CCDC125: variants seen among roughly 807,000 people sequenced by gnomAD.
The protein encoded by CCDC125 is coiled-coil domain-containing protein 125.
In CCDC125, 43 loss-of-function variants were observed where a neutral mutation model predicts 57.4. That is an observed-to-expected ratio of 0.75 (90% CI 0.59 to 0.97). The LOEUF is 0.97. Among genes scored for constraint, CCDC125 ranks in the 50% least tolerant of loss-of-function variants. The pLI is 0.00. For synonymous variants in CCDC125, 187 were observed against 195.2 expected (o/e 0.96, Z 0.35); for missense variants, 563 against 595.7 (o/e 0.95, Z 0.57).
chr5:69,312,682 T>C (rs1188704044), intron 3 of CCDC125, among the ~76,000 whole-genome samples: 1 of 152,140 alleles, frequency 6.6e-6, no homozygotes, highest in Non-Finnish European at 1.5e-5. Flanking sequence ...CCGGTGGGCA[T>C]GTTTACATAA....
At chr5:69,292,157 C>T in intron 10 of CCDC125, 31 bp downstream of exon 10, 1 of 1,549,726 alleles carries the variant, frequency 6.5e-7, no homozygotes, top group Non-Finnish European at 8.8e-7. Flanking sequence ...TAAAATTACA[C>T]CCACTTATTG....
intron 10 of CCDC125, among the ~76,000 whole-genome samples, chr5:69,289,050 T>C (rs903681468): frequency 3.3e-5 from 5 of 152,232 alleles, no homozygotes; most frequent in Admixed American, 2.0e-4. Context: ...AAATGCAGCT[T>C]TGTCTACACT....
chr5:69,323,217 A>G (rs1038929210), intron 1 of CCDC125, among the ~76,000 whole-genome samples: 3 of 151,832 alleles, frequency 2.0e-5, no homozygotes, highest in Non-Finnish European at 2.9e-5. Context: ...GCTGAGGCAG[A>G]AGAATTGCTT....
At chr5:69,275,472 A>G (rs1752021483), downstream of CCDC125, among the ~76,000 whole-genome samples, 2 of 152,316 alleles carry the variant, frequency 1.3e-5, no homozygotes, top group East Asian at 3.9e-4. Context: ...GAGAATGGAA[A>G]TGTACAATAT....
intron 1 of CCDC125, among the ~76,000 whole-genome samples, chr5:69,325,055 T>C (rs1760553664): frequency 6.6e-6 from 1 of 152,118 alleles, no homozygotes; most frequent in Admixed American, 6.6e-5. Flanking sequence ...CTGGGTGTGG[T>C]GGTTCATGCC....
chr5:69,323,062 T>A (rs1425189205), intron 1 of CCDC125, among the ~76,000 whole-genome samples: 1 of 151,892 alleles, frequency 6.6e-6, no homozygotes, highest in African/African-American at 2.4e-5. Flanking sequence ...ATCCCAGCAC[T>A]TTCAGAGGCC....
downstream of CCDC125, among the ~76,000 whole-genome samples, chr5:69,275,292 GA>G (rs1752003566): frequency 6.6e-6 from 1 of 152,098 alleles, no homozygotes; most frequent in Non-Finnish European, 1.5e-5. Context: ...ATGGATTGTT[GA>G]ATTAGAATCC....
chr5:69,278,851 A>G (rs1042915417), downstream of CCDC125, among the ~76,000 whole-genome samples: 3 of 144,570 alleles, frequency 2.1e-5, no homozygotes, highest in African/African-American at 7.6e-5. Flanking sequence ...GGTGCATACC[A>G]CCATGCCTGG....
the CCDC125 span, among the ~76,000 whole-genome samples, chr5:69,274,882 C>A: frequency 6.6e-6 from 1 of 152,126 alleles, no homozygotes; most frequent in East Asian, 1.9e-4. Context: ...TCCCAAAGTG[C>A]TGGGATTACA....
chr5:69,277,117 C>T (rs769162123), downstream of CCDC125: 32 of 1,592,900 alleles, frequency 2.0e-5, no homozygotes, highest in Non-Finnish European at 2.6e-5. Context: ...GAGGATTGCC[C>T]AAGAAACTAA....
chr5:69,286,767 A>G (rs1381368089), intron 10 of CCDC125, among the ~76,000 whole-genome samples: 2 of 152,150 alleles, frequency 1.3e-5, no homozygotes, highest in Non-Finnish European at 2.9e-5. Flanking sequence ...TGGGAAACTG[A>G]GAGCAGATGA....
chr5:69,314,079 G>GA, intron 2 of CCDC125, 33 bp from the exon 3 acceptor site: 1 of 1,409,050 alleles, frequency 7.1e-7, no homozygotes, highest in Non-Finnish European at 1.0e-6. Flanking sequence ...TCTATTAGGG[G>GA]AAAAATTTTG....
At chr5:69,299,634 G>A (rs923446309) in intron 8 of CCDC125, among the ~76,000 whole-genome samples, 5 of 152,176 alleles carry the variant, frequency 3.3e-5, no homozygotes, top group Admixed American at 1.3e-4. Flanking sequence ...TCTCTAAAAT[G>A]GGGATAATAT....
downstream of CCDC125, chr5:69,277,407 T>C (rs950876576): frequency 2.3e-5 from 7 of 303,168 alleles, no homozygotes; most frequent in African/African-American, 1.5e-4. Context: ...ATAAAAATTA[T>C]TACCAGTTAT....
chr5:69,276,417 G>A (rs1752145155), downstream of CCDC125: 8 of 752,976 alleles, frequency 1.1e-5, no homozygotes, highest in Non-Finnish European at 1.8e-5. Context: ...CATTAATTTT[G>A]TTTTGTTGGG....
chr5:69,289,599 C>T (rs1227467467), intron 10 of CCDC125, among the ~76,000 whole-genome samples: 1 of 152,156 alleles, frequency 6.6e-6, no homozygotes, highest in East Asian at 1.9e-4. Flanking sequence ...CAGTGGATCA[C>T]ATCTGTAACC....
In CCDC125 at chr5:69,282,888, AC is replaced by A. The variant is rs1228567576; in HGVS notation, c.1376del (p.Arg459LeufsTer20). ...KENFPFNNPW[R>X]KTSEFSVLGD... ...CCAAAACAGAGAATTCTGAAGTCTT[AC>A]GCCAGGGGTTGTTGAAAGGGAAATT... On this transcript the variant is annotated frameshift_variant, in exon 12 of 12. Transcript: ENST00000396496. LOFTEE classifies it low-confidence loss of function (END_TRUNC). 6.2e-7 allele frequency: 1 copy of A among 1,614,024 alleles called. No homozygotes were observed. The highest frequency in any genetic ancestry group is 1.3e-5 in the African/African-American group (1 of 74,936).
downstream of CCDC125, among the ~76,000 whole-genome samples, chr5:69,279,822 C>T (rs1752381046): frequency 6.8e-6 from 1 of 147,982 alleles, no homozygotes; most frequent in South Asian, 2.2e-4. Flanking sequence ...ATTCCGTTCT[C>T]AAACTGCTAT....
intron 2 of CCDC125, among the ~76,000 whole-genome samples, chr5:69,314,611 G>C (rs11750525): frequency 0.43 from 65,081 of 151,910 alleles, 14,256 homozygotes; most frequent in South Asian, 0.49. Context: ...TTAGAAACAA[G>C]CCTAGGCAAC....
Sources: allele counts gnomAD v4.1 joint callset (sites outside exome capture counted in the v4.1 genomes callset), GRCh38; gene constraint gnomAD v4.1.1; transcripts MANE v1.5; gene names NCBI Gene and HGNC (gene_info 2026-07-23, HGNC 2026-07-21).